KSR2: variants seen among roughly 807,000 people sequenced by gnomAD.
KSR2 encodes the protein kinase suppressor of ras 2.
In KSR2, 25 loss-of-function variants were observed where a neutral mutation model predicts 107.8. That is an observed-to-expected ratio of 0.23 (90% CI 0.17 to 0.32). KSR2 has a LOEUF of 0.32. KSR2 is among the 10% of genes least tolerant of loss of function. The pLI, the probability that KSR2 is intolerant of heterozygous loss-of-function variation, is 1.00. For synonymous variants in KSR2, 480 were observed against 507.0 expected, an observed-to-expected ratio of 0.95 and a Z score of 0.71; for missense variants, 887 against 1,268.9, an observed-to-expected ratio of 0.70 and a Z score of 4.57.
intron 4 of KSR2, among the ~76,000 whole-genome samples, chr12:117,707,800 C>A (rs937640722): frequency 6.6e-6 from 1 of 152,172 alleles, no homozygotes; most frequent in African/African-American, 2.4e-5. Context: ...CCAAAACCAG[C>A]ACCAAGGTGT....
intron 14 of KSR2, among the ~76,000 whole-genome samples, chr12:117,515,525 T>C (rs1874312658): frequency 6.6e-6 from 1 of 152,122 alleles, no homozygotes. Flanking sequence ...CTTGCTCTCC[T>C]GGGGCTTATG....
At chr12:117,953,170 AT>A (rs1394482116) in intron 1 of KSR2, among the ~76,000 whole-genome samples, 1 of 152,120 alleles carries the variant, frequency 6.6e-6, no homozygotes, top group Non-Finnish European at 1.5e-5. Flanking sequence ...GATAGCTATA[AT>A]TTTAAAAATG....
At chr12:117,862,943 ATGGTCTCGATCTCC>A (rs1566056438) in intron 1 of KSR2, among the ~76,000 whole-genome samples, 1 of 151,906 alleles carries the variant, frequency 6.6e-6, no homozygotes, top group Non-Finnish European at 1.5e-5. Flanking sequence ...GTTAGCCAGG[ATGGTCTCGATCTCC>A]TGATCTCGTG....
At position 117,467,068 on chromosome 12, in the gene KSR2, T is replaced by C; in HGVS notation, c.*131A>G. The stretch of plus-strand genomic sequence containing the variant: ...GGGAGGCCGCCGAGCAGTTGTCCAG[T>C]GCTCCCAGGTCGGTCGGGGTTGGTA... On this transcript the variant is annotated 3_prime_UTR_variant, in exon 20 of 20. Coordinates refer to ENST00000339824, the MANE Select transcript of KSR2 (RefSeq NM_173598.6). The C allele has an allele frequency of 1.9e-6, 1 of 514,176 alleles. No individual in the cohort carries two copies. The highest frequency in any genetic ancestry group is 3.5e-6 in the Non-Finnish European group (1 of 285,482). The allele number at this position is 514,176 out of a possible 1,614,324, so 31.9% of individuals were successfully genotyped here. A position where few individuals can be genotyped will look rare whatever the true frequency, so the allele number is the denominator to read the frequency against.
At chr12:117,886,563 G>A (rs368494964) in intron 1 of KSR2, among the ~76,000 whole-genome samples, 1 of 152,116 alleles carries the variant, frequency 6.6e-6, no homozygotes, top group Admixed American at 6.5e-5. Flanking sequence ...TAGATGTGAA[G>A]TAGGCTATGC....
chr12:117,652,801 A>G (rs1179601445), intron 5 of KSR2, among the ~76,000 whole-genome samples: 1 of 152,146 alleles, frequency 6.6e-6, no homozygotes, highest in Non-Finnish European at 1.5e-5. Context: ...GAGCTTATGG[A>G]GGTCAGGTAA....
intron 9 of KSR2, among the ~76,000 whole-genome samples, chr12:117,551,654 G>GA (rs917826823): frequency 1.3e-4 from 20 of 149,564 alleles, no homozygotes; most frequent in African/African-American, 3.4e-4. Context: ...AAAGAGCAGT[G>GA]AAAAAAAAAA....
In KSR2 at chr12:117,961,971, A is replaced by G. The variant is rs544290778; in HGVS notation, c.180+6105T>C. 4.6e-3 allele frequency among the ~76,000 whole-genome samples: 697 copies of G among 151,934 alleles called. 8 individuals carry two copies. Among genetic ancestry groups the G allele is most frequent in the Non-Finnish European group, 7.5e-3 (513 of 67,964 alleles). ...ACCAGCCTGGGCAACAAAGCAAGATACTGTCTCTATAAAAAATTTTTAAAT... is the reference window on the plus strand; with the variant it reads ...ACCAGCCTGGGCAACAAAGCAAGATGCTGTCTCTATAAAAAATTTTTAAAT... On this transcript the variant is annotated intron_variant, in intron 1 of 19. Transcript: ENST00000339824.
intron 14 of KSR2, among the ~76,000 whole-genome samples, chr12:117,511,969 G>A (rs1224996741): frequency 6.6e-6 from 1 of 152,136 alleles, no homozygotes; most frequent in Non-Finnish European, 1.5e-5. Flanking sequence ...TGATCCCTCC[G>A]ATGACTCCGA....
intron 5 of KSR2, among the ~76,000 whole-genome samples, chr12:117,596,566 G>A (rs1352799812): frequency 6.6e-6 from 1 of 152,178 alleles, no homozygotes; most frequent in Middle Eastern, 3.4e-3. Flanking sequence ...TCCTACAAAC[G>A]AGTCATTTAT....
chr12:117,762,960 T>C (rs1160976956), intron 3 of KSR2, among the ~76,000 whole-genome samples: 1 of 152,170 alleles, frequency 6.6e-6, no homozygotes, highest in Non-Finnish European at 1.5e-5. Context: ...TACATATGCA[T>C]ACATGTGCCA....
chr12:117,886,655 G>A (rs891551072), intron 1 of KSR2, among the ~76,000 whole-genome samples: 24 of 151,962 alleles, frequency 1.6e-4, no homozygotes, highest in African/African-American at 3.9e-4. Context: ...ACGTATCCCC[G>A]TCATTTAGCG....
intron 4 of KSR2, among the ~76,000 whole-genome samples, chr12:117,708,896 T>G (rs925364292): frequency 2.6e-5 from 4 of 152,178 alleles, no homozygotes. Context: ...TTTATGACCT[T>G]ATAGTTCTAG....
intron 1 of KSR2, among the ~76,000 whole-genome samples, chr12:117,902,626 G>T (rs1308009833): frequency 2.0e-5 from 3 of 152,008 alleles, no homozygotes; most frequent in Non-Finnish European, 4.4e-5. Flanking sequence ...GATAGCATTA[G>T]GAGAAACACC....
intron 1 of KSR2, among the ~76,000 whole-genome samples, chr12:117,915,121 C>A (rs952465616): frequency 2.6e-5 from 4 of 152,184 alleles, no homozygotes; most frequent in African/African-American, 9.7e-5. Context: ...CTGATAAGCC[C>A]CAAGACACTT....
At chr12:117,495,224 T>G (rs1314924143) in intron 14 of KSR2, among the ~76,000 whole-genome samples, 2 of 152,216 alleles carry the variant, frequency 1.3e-5, no homozygotes, top group South Asian at 2.1e-4. Flanking sequence ...TGTCCCATGC[T>G]CTTTCCCCCT....
chr12:117,644,154 C>G (rs904660932), intron 5 of KSR2, among the ~76,000 whole-genome samples: 1 of 152,150 alleles, frequency 6.6e-6, no homozygotes, highest in Non-Finnish European at 1.5e-5. Flanking sequence ...GCCAGTTTGG[C>G]TGAAGATATA....
At chr12:117,723,890 G>C (rs1887309719) in intron 4 of KSR2, among the ~76,000 whole-genome samples, 1 of 152,096 alleles carries the variant, frequency 6.6e-6, no homozygotes, top group South Asian at 2.1e-4. Flanking sequence ...TACTAGTATA[G>C]ATATCAAGAA....
chr12:117,602,375 C>T (rs1881007134), intron 5 of KSR2, among the ~76,000 whole-genome samples: 8 of 152,202 alleles, frequency 5.3e-5, no homozygotes, highest in Admixed American at 4.6e-4. Context: ...ACCCACTAAG[C>T]GATCATTCCT....
Sources: gnomAD v4.1 joint callset for allele counts (sites outside exome capture counted in the v4.1 genomes callset) on GRCh38, gnomAD v4.1.1 for gene constraint, MANE v1.5 for transcripts, NCBI Gene and HGNC (gene_info 2026-07-23, HGNC 2026-07-21) for gene names.